Variants in DAAM1 observed in about 807,000 individuals in gnomAD.
The protein encoded by DAAM1 is disheveled-associated activator of morphogenesis 1.
Under a neutral mutation model 130.0 loss-of-function variants are expected in DAAM1, and 52 were observed. That is an observed-to-expected ratio of 0.40 (90% CI 0.32 to 0.50). DAAM1 has a LOEUF of 0.50. Among genes scored for constraint, DAAM1 ranks in the 20% least tolerant of loss-of-function variants. DAAM1 has a pLI of 0.61. For missense variants in DAAM1, 1,134 were observed against 1,303.8 expected, an observed-to-expected ratio of 0.87 and a Z score of 2.01; for synonymous variants, 452 against 444.5, an observed-to-expected ratio of 1.02 and a Z score of -0.21.
chr14:59,220,921 A>G (rs1888750802), intron 1 of DAAM1, among the ~76,000 whole-genome samples: 1 of 152,214 alleles, frequency 6.6e-6, no homozygotes, highest in Non-Finnish European at 1.5e-5. Flanking sequence ...GAATCTACAG[A>G]TTAAATGCTA....
intron 3 of DAAM1, 85 bp from the exon 4 acceptor site, chr14:59,315,195 T>C: frequency 1.7e-6 from 2 of 1,203,558 alleles, no homozygotes; most frequent in South Asian, 1.2e-5. Context: ...TGGGTCATTG[T>C]CTGGGTGCTC....
intron 23 of DAAM1, among the ~76,000 whole-genome samples, chr14:59,364,518 T>C (rs1886835982): frequency 6.6e-6 from 1 of 152,044 alleles, no homozygotes; most frequent in Non-Finnish European, 1.5e-5. Flanking sequence ...ACAAGACAGG[T>C]ACACAGTCTC....
chr14:59,342,938 A>G (rs1444223746), intron 16 of DAAM1, among the ~76,000 whole-genome samples: 1 of 152,222 alleles, frequency 6.6e-6, no homozygotes, highest in Non-Finnish European at 1.5e-5. Flanking sequence ...CAATCCCGGC[A>G]GAAAATTATC....
At chr14:59,342,893 G>A (rs1023152040) in intron 16 of DAAM1, among the ~76,000 whole-genome samples, 2 of 152,172 alleles carry the variant, frequency 1.3e-5, no homozygotes, top group Non-Finnish European at 2.9e-5. Flanking sequence ...GCAAAGATGT[G>A]GGAGGGACAT....
At chr14:59,225,557 T>A (rs1888915589) in intron 1 of DAAM1, among the ~76,000 whole-genome samples, 1 of 152,188 alleles carries the variant, frequency 6.6e-6, no homozygotes, top group Non-Finnish European at 1.5e-5. Flanking sequence ...TCCTACTCCA[T>A]GAATTTGTTT....
chr14:59,220,685 A>G (rs567389347), intron 1 of DAAM1, among the ~76,000 whole-genome samples: 84 of 152,292 alleles, frequency 5.5e-4, no homozygotes, highest in Non-Finnish European at 1.0e-3. Context: ...GAGAGCCAAT[A>G]GCCAATGGTG....
At chr14:59,305,617 T>C (rs941021967) in intron 3 of DAAM1, among the ~76,000 whole-genome samples, 3 of 152,154 alleles carry the variant, frequency 2.0e-5, no homozygotes, top group Non-Finnish European at 4.4e-5. Context: ...CCACATCCCC[T>C]CTAACCACCC....
chr14:59,223,442 G>A (rs1200907225), intron 1 of DAAM1, among the ~76,000 whole-genome samples: 1 of 152,200 alleles, frequency 6.6e-6, no homozygotes, highest in African/African-American at 2.4e-5. Flanking sequence ...ACACCTTATT[G>A]TAAAATCCTA....
In DAAM1 at chr14:59,340,071, C is replaced by T. The variant is rs568188292; in HGVS notation, c.1969-3C>T. 6.2e-7 allele frequency: 1 copy of T among 1,611,898 alleles called. No homozygotes were observed. Among genetic ancestry groups the T allele is most frequent in the Admixed American group, 1.7e-5 (1 of 59,956 alleles). On this transcript the variant is annotated splice_polypyrimidine_tract_variant and splice_region_variant and intron_variant, in intron 15 of 24. Transcript: ENST00000360909. ...TGATGGATTTCTTTCATGCTCTTTA[C>T]AGAAAGAAGCAGATGCCATTGATGA...
At chr14:59,343,436 C>A (rs973968243) in intron 16 of DAAM1, among the ~76,000 whole-genome samples, 5 of 152,152 alleles carry the variant, frequency 3.3e-5, no homozygotes, top group Admixed American at 3.3e-4. Flanking sequence ...TCAGCATTTC[C>A]TACCTTCTCA....
chr14:59,339,690 C>T (rs923671083), intron 15 of DAAM1, among the ~76,000 whole-genome samples: 2 of 152,126 alleles, frequency 1.3e-5, no homozygotes, highest in Admixed American at 6.6e-5. Flanking sequence ...GTGGCTGGAC[C>T]GGCAATGGCA....
chr14:59,263,557 CG>C lies in DAAM1; in HGVS notation c.81del (p.Tyr28IlefsTer95). The C allele has an allele frequency of 6.2e-7, 1 of 1,614,172 alleles. No homozygotes were observed. Among genetic ancestry groups the C allele is most frequent in the South Asian group, 1.1e-5 (1 of 91,082 alleles). On this transcript the variant is annotated frameshift_variant, in exon 2 of 25. Coordinates refer to ENST00000360909, the MANE Select transcript of DAAM1 (RefSeq NM_001270520.2). LOFTEE classifies it high-confidence loss of function. ...CGAAATAATGATCACCCAGAAATCA[CG>C]TATCGGCTGCGAAATGATAGCAACT... ...CFRNNDHPEI[T>X]YRLRNDSNFA... is the part of the protein sequence containing the mutation.
At chr14:59,296,892 TA>T (rs1883974568) in intron 3 of DAAM1, among the ~76,000 whole-genome samples, 1 of 152,216 alleles carries the variant, frequency 6.6e-6, no homozygotes, top group South Asian at 2.1e-4. Context: ...AGGAAATCTG[TA>T]AAAGGCTTGA....
chr14:59,270,859 G>A (rs1882679849), intron 2 of DAAM1, among the ~76,000 whole-genome samples: 1 of 152,052 alleles, frequency 6.6e-6, no homozygotes, highest in African/African-American at 2.4e-5. Flanking sequence ...CATGCAAAAT[G>A]TGCAACTGCT....
chr14:59,281,689 T>C (rs1883227948), intron 2 of DAAM1, among the ~76,000 whole-genome samples: 1 of 152,184 alleles, frequency 6.6e-6, no homozygotes, highest in Admixed American at 6.5e-5. Context: ...TATAAATTCC[T>C]TGAAATCAGG....
chr14:59,271,104 A>G (rs1053885965), intron 2 of DAAM1, among the ~76,000 whole-genome samples: 10 of 152,172 alleles, frequency 6.6e-5, no homozygotes, highest in African/African-American at 9.6e-5. Context: ...TTCCAATTCC[A>G]TTTTATACTA....
intron 10 of DAAM1, 137 bp downstream of exon 10, chr14:59,326,214 T>C (rs1885196916): frequency 2.5e-6 from 2 of 811,268 alleles, no homozygotes; most frequent in African/African-American, 3.4e-5. Context: ...CAGCCAAGTA[T>C]GTGTGTCTAC....
Position 59,271,936 on chromosome 14 carries a change from G to T in DAAM1, c.183+8276G>T, listed in dbSNP as rs17095990. Among the ~76,000 whole-genome samples, 7 of 152,012 alleles carry T rather than the reference G, an allele frequency of 4.6e-5. No homozygotes were observed. The South Asian group carries it at 1.2e-3, about 27-fold the overall frequency. ...TCCCCAAGAAAGATGAAAAAATTGC[G>T]TAATAGGAACATTCCATTTTAAACT... On this transcript the variant is annotated intron_variant, in intron 2 of 24. Coordinates refer to ENST00000360909, the MANE Select transcript of DAAM1 (RefSeq NM_001270520.2).
At chr14:59,346,282 C>G (rs971433251) in intron 16 of DAAM1, among the ~76,000 whole-genome samples, 1 of 152,086 alleles carries the variant, frequency 6.6e-6, no homozygotes, top group Non-Finnish European at 1.5e-5. Flanking sequence ...TGGGGCCCAG[C>G]CTGTCTTACA....
Sources: gnomAD v4.1 joint callset for allele counts (sites outside exome capture counted in the v4.1 genomes callset) on GRCh38, gnomAD v4.1.1 for gene constraint, MANE v1.5 for transcripts, NCBI Gene and HGNC (gene_info 2026-07-23, HGNC 2026-07-21) for gene names.